Variants in SCGB2B2 observed in about 807,000 individuals in gnomAD.
SCGB2B2 encodes secretoglobin-like protein.
In SCGB2B2, 11 loss-of-function variants were observed where a neutral mutation model predicts 7.6. The observed-to-expected ratio is 1.45, with a 90% confidence interval of 0.91 to 2.40. The LOEUF (loss-of-function observed/expected upper bound fraction) is 2.40, where lower values mean the gene tolerates loss of function less well. Among genes scored for constraint, SCGB2B2 ranks in the 30% most tolerant of loss-of-function variants. The pLI, the probability that SCGB2B2 is intolerant of heterozygous loss-of-function variation, is 0.00. For synonymous variants in SCGB2B2, 50 were observed against 48.6 expected, an observed-to-expected ratio of 1.03 and a Z score of -0.12; for missense variants, 104 against 115.4, an observed-to-expected ratio of 0.90 and a Z score of 0.45.
At chr19:34,666,222 A>T (rs1425125468) in intron 1 of SCGB2B2, among the ~76,000 whole-genome samples, 7 of 152,162 alleles carry the variant, frequency 4.6e-5, no homozygotes, top group Admixed American at 4.6e-4. Flanking sequence ...TGTCTCTCTC[A>T]GACAAGGAGG....
rs532804101 is a variant in SCGB2B2, at chr19:34,625,252, T to C, written c.-2031-28658A>G. Among the ~76,000 whole-genome samples the C allele has an allele frequency of 2.4e-4, 37 of 152,186 alleles. No homozygotes were observed. In the Middle Eastern group the frequency reaches 0.014, roughly 56 times the overall value. ...CTGAGGTACCGGGTTCATCTCACTG[T>C]GGAGTGTTGGATAGTGGGTGCAGGA... is the stretch of plus-strand genomic sequence containing the variant. On this transcript the variant is annotated intron_variant, in intron 1 of 3. Transcript: ENST00000601241.
chr19:34,605,935 T>A (rs2065764162), intron 1 of SCGB2B2, among the ~76,000 whole-genome samples: 1 of 152,126 alleles, frequency 6.6e-6, no homozygotes, highest in South Asian at 2.1e-4. Flanking sequence ...TTTATTAATA[T>A]TCATTTTTTC....
At chr19:34,673,839 C>T (rs1310982156) in intron 1 of SCGB2B2, among the ~76,000 whole-genome samples, 7 of 152,126 alleles carry the variant, frequency 4.6e-5, no homozygotes, top group African/African-American at 1.4e-4. Context: ...GGGCCATGAC[C>T]GACAAGGAAT....
At chr19:34,628,299 A>C (rs75909301) in intron 1 of SCGB2B2, among the ~76,000 whole-genome samples, 1 of 152,130 alleles carries the variant, frequency 6.6e-6, no homozygotes, top group East Asian at 1.9e-4. Context: ...ATAGAGACAA[A>C]AAAAAACTCT....
chr19:34,675,390 G>A (rs532268265), intron 1 of SCGB2B2, among the ~76,000 whole-genome samples: 29 of 152,286 alleles, frequency 1.9e-4, no homozygotes, highest in African/African-American at 6.5e-4. Flanking sequence ...CACACCCACA[G>A]GATACACCAA....
At chr19:34,638,609 C>T (rs373007304) in intron 1 of SCGB2B2, among the ~76,000 whole-genome samples, 9 of 152,140 alleles carry the variant, frequency 5.9e-5, no homozygotes, top group African/African-American at 1.9e-4. Context: ...CAGATTCATC[C>T]CCACCAGAAA....
intron 1 of SCGB2B2, among the ~76,000 whole-genome samples, chr19:34,607,360 A>G (rs1306941199): frequency 6.6e-6 from 1 of 152,220 alleles, no homozygotes; most frequent in African/African-American, 2.4e-5. Context: ...CCATTCATCC[A>G]TTGACAGGCA....
At chr19:34,633,829 T>C (rs2066602530) in intron 1 of SCGB2B2, among the ~76,000 whole-genome samples, 2 of 152,314 alleles carry the variant, frequency 1.3e-5, no homozygotes, top group South Asian at 2.1e-4. Flanking sequence ...GTCTCCTGCT[T>C]CTCTTGAAAA....
chr19:34,588,574 G>A (rs1312381961), downstream of SCGB2B2, among the ~76,000 whole-genome samples: 3 of 152,214 alleles, frequency 2.0e-5, no homozygotes. Context: ...TGTCAGGCCT[G>A]GTGAGTTTCC....
At position 34,675,824 on chromosome 19, in the gene SCGB2B2, G is replaced by A. The variant is rs1330640410; in HGVS notation, c.-2226C>T. The A allele has an allele frequency of 1.9e-5, 3 of 154,042 alleles. No individual in the cohort carries two copies. The highest frequency in any genetic ancestry group is 7.2e-5 in the African/African-American group (3 of 41,456). 9.5% of individuals were successfully genotyped at this position (154,042 alleles called of 1,614,324 possible). On this transcript the variant is annotated 5_prime_UTR_variant, in exon 1 of 4. Transcript: ENST00000601241. ...GTTCATGATTTCGCTGGCTTCAGGA[G>A]TGAAGCTGCAGACCTTCACAGTGAG...
At chr19:34,631,112 T>TGGGG (rs1475533726) in intron 1 of SCGB2B2, among the ~76,000 whole-genome samples, 1 of 89,074 alleles carries the variant, frequency 1.1e-5, no homozygotes, top group Non-Finnish European at 2.1e-5. Flanking sequence ...CGGGGCCTGT[T>TGGGG]GTGGGGTGGG....
chr19:34,606,703 A>T (rs779099413), intron 1 of SCGB2B2, among the ~76,000 whole-genome samples: 1 of 152,116 alleles, frequency 6.6e-6, no homozygotes, highest in Non-Finnish European at 1.5e-5. Context: ...CCAGATTTAT[A>T]TAACTTTTAT....
chr19:34,630,611 A>G (rs2066503129), intron 1 of SCGB2B2, among the ~76,000 whole-genome samples: 1 of 151,954 alleles, frequency 6.6e-6, no homozygotes, highest in South Asian at 2.1e-4. Context: ...AAGCCAGGAA[A>G]TAACAGGTGC....
intron 1 of SCGB2B2, among the ~76,000 whole-genome samples, chr19:34,633,746 T>A (rs1600057263): frequency 1.3e-5 from 2 of 152,262 alleles, no homozygotes; most frequent in East Asian, 3.9e-4. Flanking sequence ...ATTTACATTT[T>A]AAATATGCAC....
At chr19:34,589,267 C>G (rs750566090), downstream of SCGB2B2, among the ~76,000 whole-genome samples, 4 of 152,020 alleles carry the variant, frequency 2.6e-5, no homozygotes, top group Non-Finnish European at 4.4e-5. Flanking sequence ...TGGGACTGAG[C>G]TAAAGGGAGG....
intron 1 of SCGB2B2, among the ~76,000 whole-genome samples, chr19:34,673,435 G>C (rs1476849514): frequency 1.3e-5 from 2 of 152,160 alleles, no homozygotes; most frequent in Non-Finnish European, 2.9e-5. Flanking sequence ...AGGGTTCTTG[G>C]ATCTTGTTCA....
intron 1 of SCGB2B2, chr19:34,640,565 T>A (rs1239404157): frequency 1.3e-5 from 2 of 152,176 alleles, no homozygotes; most frequent in Non-Finnish European, 2.9e-5. Flanking sequence ...ATGAAGAAAA[T>A]TTCAATAGAT....
intron 1 of SCGB2B2, among the ~76,000 whole-genome samples, chr19:34,639,853 C>G (rs2066792328): frequency 6.6e-6 from 1 of 152,054 alleles, no homozygotes. Context: ...GAGGCCAAAA[C>G]AGTAAACAAA....
intron 1 of SCGB2B2, among the ~76,000 whole-genome samples, 160 bp from the exon 2 acceptor site, chr19:34,596,754 CAG>C (rs745672917): frequency 1.4e-4 from 21 of 151,964 alleles, no homozygotes; most frequent in Admixed American, 6.5e-4. Flanking sequence ...GTCCTGGGGA[CAG>C]AGGCTGGGAG....
Sources: allele counts gnomAD v4.1 joint callset (sites outside exome capture counted in the v4.1 genomes callset), GRCh38; gene constraint gnomAD v4.1.1; transcripts MANE v1.5; gene names NCBI Gene and HGNC (gene_info 2026-07-23, HGNC 2026-07-21).